The following HTN1 variants were observed in gnomAD, a reference collection of about 807,000 sequenced individuals.
HTN1 encodes the protein histatin-1.
In HTN1, 18 loss-of-function variants were observed where a neutral mutation model predicts 11.2. That is an observed-to-expected ratio of 1.61 (90% CI 1.12 to 2.39). The LOEUF (loss-of-function observed/expected upper bound fraction) is 2.39, where lower values mean the gene tolerates loss of function less well. HTN1 is among the 30% of genes most tolerant of loss of function. The pLI is 0.00. For synonymous variants in HTN1, 21 were observed against 20.5 expected, an observed-to-expected ratio of 1.02 and a Z score of -0.07; for missense variants, 80 against 67.2, an observed-to-expected ratio of 1.19 and a Z score of -0.67.
At chr4:70,055,319 C>T (rs997498344) in intron 4 of HTN1, among the ~76,000 whole-genome samples, 179 bp from the exon 5 acceptor site, 12 of 151,992 alleles carry the variant, frequency 7.9e-5, no homozygotes, top group African/African-American at 2.9e-4. Context: ...TTTTTACCTA[C>T]TTTTAGACAT....
intron 1 of HTN1, among the ~76,000 whole-genome samples, chr4:70,051,212 TTAAAAATTTACTTTCTTCTTAA>T (rs1725884145): frequency 6.6e-6 from 1 of 152,178 alleles, no homozygotes; most frequent in Non-Finnish European, 1.5e-5. Context: ...AGGTTTATTT[TTAAAAATTTACTTTCTTCTTAA>T]TAGGAAACTA....
intron 5 of HTN1, chr4:70,057,331 A>G (rs1228109584): frequency 1.3e-5 from 2 of 152,182 alleles, no homozygotes; most frequent in Non-Finnish European, 2.9e-5. Context: ...TGGGAGCTGA[A>G]CAGTGAGAAC....
chr4:70,051,001 A>G (rs955059482), intron 1 of HTN1, among the ~76,000 whole-genome samples: 4 of 152,140 alleles, frequency 2.6e-5, no homozygotes, highest in African/African-American at 4.8e-5. Flanking sequence ...AGCAATCATC[A>G]CGCAAAGTAA....
chr4:70,054,199 G>C (rs1394855982), intron 2 of HTN1, 123 bp from the exon 3 acceptor site: 4 of 600,778 alleles, frequency 6.7e-6, no homozygotes, highest in Non-Finnish European at 1.1e-5. Context: ...AATTTAGTCT[G>C]TCATCAACCA....
intron 2 of HTN1, 55 bp from the exon 3 acceptor site, chr4:70,054,267 T>C (rs1480953654): frequency 2.7e-6 from 3 of 1,106,334 alleles, no homozygotes; most frequent in Non-Finnish European, 3.9e-6. Flanking sequence ...TTATACTTAC[T>C]CTTGAATTAT....
chr4:70,054,218 C>T (rs1725973768), intron 2 of HTN1, 104 bp from the exon 3 acceptor site: 3 of 704,612 alleles, frequency 4.3e-6, no homozygotes, highest in South Asian at 2.1e-5. Flanking sequence ...CAAAGAATGC[C>T]TCCATTCTGT....
At chr4:70,050,657 C>T (rs1461320972) in intron 1 of HTN1, among the ~76,000 whole-genome samples, 162 bp downstream of exon 1, 1 of 151,880 alleles carries the variant, frequency 6.6e-6, no homozygotes, top group Non-Finnish European at 1.5e-5. Context: ...TGTATATTAC[C>T]TATAGAATAC....
At position 70,053,971 on chromosome 4, in the gene HTN1, A is replaced by G. The variant is rs1205095825; in HGVS notation, c.52-351A>G. 3.3e-5 allele frequency among the ~76,000 whole-genome samples: 5 copies of G among 152,186 alleles called. No homozygotes were observed. In the East Asian group the frequency reaches 9.6e-4, roughly 29 times the overall value. On this transcript the variant is annotated intron_variant, in intron 2 of 5. Coordinates refer to ENST00000246896, the MANE Select transcript of HTN1 (RefSeq NM_002159.4). ...CTCTATCAGCAAATAAAATATTTGT[A>G]TGTTGGTAGCTTTTGAGCTACATGG...
In HTN1 at chr4:70,054,362, G is replaced by A. The variant is rs200225963; in HGVS notation, c.72+20G>A. Reference sequence around the variant, plus strand: ...GAAAAGGTAAGACATTTTCATTTACGGGAAAACTTGATAAATAAACATATA... The same window carrying A: ...GAAAAGGTAAGACATTTTCATTTACAGGAAAACTTGATAAATAAACATATA... On this transcript the variant is annotated intron_variant, in intron 3 of 5. Coordinates refer to ENST00000246896, the MANE Select transcript of HTN1 (RefSeq NM_002159.4). 170 of 1,541,170 alleles carry A rather than the reference G, an allele frequency of 1.1e-4. No individual in the cohort carries two copies. The highest frequency in any genetic ancestry group is 8.7e-4 in the Middle Eastern group (4 of 4,614).
At chr4:70,050,616 C>A (rs183848704) in intron 1 of HTN1, 121 bp downstream of exon 1, 2 of 151,886 alleles carry the variant, frequency 1.3e-5, no homozygotes, top group African/African-American at 2.4e-5. Flanking sequence ...ACTTGAATTG[C>A]GTATTTGCCT....
At chr4:70,052,087 AGAT>A (rs1428733454) in intron 1 of HTN1, among the ~76,000 whole-genome samples, 1 of 152,196 alleles carries the variant, frequency 6.6e-6, no homozygotes, top group Non-Finnish European at 1.5e-5. Context: ...TCAGAGTCCC[AGAT>A]GAGGCTAACT....
chr4:70,054,323 G>T lies in HTN1; in HGVS notation c.53G>T (p.Ser18Ile). Residue 18 changes from serine to isoleucine, a missense_variant and splice_region_variant, in exon 3 of 6, where the codon AGC becomes ATC. Coordinates refer to ENST00000246896, the MANE Select transcript of HTN1 (RefSeq NM_002159.4). ...TTTCTCATTTTCTTTTTTTCCAAGA[G>T]CGCTGATTCACATGAAAAGGTAAGA... ...LVLALMISMI[S>I]ADSHEKRHHG... is the part of the protein sequence containing the mutation. 1 of 1,498,424 alleles carries T rather than the reference G, an allele frequency of 6.7e-7. No individual in the cohort carries two copies. The highest frequency in any genetic ancestry group is 9.1e-7 in the Non-Finnish European group (1 of 1,102,990). The allele number at this position is 1,498,424 out of a possible 1,614,324, so 92.8% of individuals were successfully genotyped here.
rs542097009 is a variant in HTN1 at position 70,055,410 on chromosome 4, C to T, written c.103-88C>T. The T allele has an allele frequency of 3.2e-6, 3 of 933,814 alleles. No homozygotes were observed. In the African/African-American group the frequency reaches 5.0e-5, roughly 16 times the overall value. 57.8% of individuals were successfully genotyped at this position (933,814 alleles called of 1,614,324 possible). ...ACAAGGTCTTAACAACTTTAGCAATCTAAGCTTTTAATGACAGTTTTTGAG... is the reference window on the plus strand; with the variant it reads ...ACAAGGTCTTAACAACTTTAGCAATTTAAGCTTTTAATGACAGTTTTTGAG... On this transcript the variant is annotated intron_variant, in intron 4 of 5. Coordinates refer to ENST00000246896, the MANE Select transcript of HTN1 (RefSeq NM_002159.4).
At chr4:70,057,084 T>A (rs1726062729) in intron 5 of HTN1, 1 of 152,126 alleles carries the variant, frequency 6.6e-6, no homozygotes, top group South Asian at 2.1e-4. Flanking sequence ...GACATATGCC[T>A]ACATATGTTT....
intron 1 of HTN1, among the ~76,000 whole-genome samples, chr4:70,051,512 C>A (rs1282409374): frequency 1.3e-5 from 2 of 151,968 alleles, no homozygotes; most frequent in Non-Finnish European, 2.9e-5. Context: ...AAAAGAAGAC[C>A]AATTTCTTAG....
intron 2 of HTN1, among the ~76,000 whole-genome samples, chr4:70,053,648 C>A (rs542345888): frequency 6.6e-6 from 1 of 152,216 alleles, no homozygotes; most frequent in South Asian, 2.1e-4. Flanking sequence ...CATGAGTTCC[C>A]AGCTCTATTG....
At chr4:70,054,859 G>T (rs1462692502) in intron 4 of HTN1, among the ~76,000 whole-genome samples, 1 of 151,982 alleles carries the variant, frequency 6.6e-6, no homozygotes, top group African/African-American at 2.4e-5. Context: ...TAAACTGACT[G>T]TGCTAAATTA....
intron 5 of HTN1, 167 bp downstream of exon 5, chr4:70,055,769 A>G: frequency 2.0e-6 from 1 of 501,840 alleles, no homozygotes; most frequent in Non-Finnish European, 3.6e-6. Context: ...ATGTGGTGTT[A>G]TTTCTGAGGT....
Position 70,054,353 on chromosome 4 carries a change from T to C in HTN1, c.72+11T>C. ...GATTCACATGAAAAGGTAAGACATT[T>C]TCATTTACGGGAAAACTTGATAAAT... On this transcript the variant is annotated intron_variant, in intron 3 of 5. Transcript: ENST00000246896. 1 of 1,543,304 alleles carries C rather than the reference T, an allele frequency of 6.5e-7. No individual in the cohort carries two copies. The highest frequency in any genetic ancestry group is 8.8e-7 in the Non-Finnish European group (1 of 1,134,142).
Sources: allele counts gnomAD v4.1 joint callset (sites outside exome capture counted in the v4.1 genomes callset), GRCh38; gene constraint gnomAD v4.1.1; transcripts MANE v1.5; gene names NCBI Gene and HGNC (gene_info 2026-07-23, HGNC 2026-07-21).